NFIB: variants seen among roughly 807,000 people sequenced by gnomAD.
NFIB encodes nuclear factor I B.
Under a neutral mutation model 61.5 loss-of-function variants are expected in NFIB, and 11 were observed. That is an observed-to-expected ratio of 0.18 (90% CI 0.11 to 0.30). The LOEUF is 0.30. NFIB is among the 10% of genes least tolerant of loss of function. The probability of loss-of-function intolerance (pLI) is 1.00; values close to 1 mark genes in which losing one functional copy is unlikely to be tolerated. For synonymous variants in NFIB, 260 were observed against 216.5 expected, an observed-to-expected ratio of 1.20 and a Z score of -1.76; for missense variants, 471 against 608.9, an observed-to-expected ratio of 0.77 and a Z score of 2.38.
At chr9:14,266,868 C>T (rs1338622370) in intron 2 of NFIB, among the ~76,000 whole-genome samples, 1 of 152,146 alleles carries the variant, frequency 6.6e-6, no homozygotes, top group South Asian at 2.1e-4. Context: ...TTTATTATTA[C>T]AAATAATGAC....
chr9:14,225,369 A>G (rs1462700880), intron 2 of NFIB, among the ~76,000 whole-genome samples: 1 of 147,016 alleles, frequency 6.8e-6, no homozygotes, highest in Non-Finnish European at 1.5e-5. Context: ...AGGCAGGAGA[A>G]TGGCGTGAAC....
At chr9:14,095,453 G>C (rs2034625168) in intron 10 of NFIB, among the ~76,000 whole-genome samples, 1 of 152,060 alleles carries the variant, frequency 6.6e-6, no homozygotes, top group East Asian at 1.9e-4. Context: ...CCCACATGTT[G>C]ATTTCCAGCC....
chr9:14,409,291 G>A, the NFIB span, among the ~76,000 whole-genome samples: 3 of 151,850 alleles, frequency 2.0e-5, no homozygotes, highest in African/African-American at 7.3e-5. Flanking sequence ...TTTAACAACT[G>A]GCTGGCAAAT....
intron 10 of NFIB, chr9:14,102,582 T>C (rs1037201382): frequency 6.7e-6 from 8 of 1,196,828 alleles, no homozygotes; most frequent in South Asian, 2.7e-5. Context: ...AATGAACACA[T>C]GCAAACTAGT....
intron 2 of NFIB, among the ~76,000 whole-genome samples, chr9:14,269,909 G>C (rs2057477833): frequency 6.6e-6 from 1 of 152,048 alleles, no homozygotes; most frequent in Non-Finnish European, 1.5e-5. Context: ...AGAGCGGCAA[G>C]GAAGTTGAAC....
intron 2 of NFIB, among the ~76,000 whole-genome samples, chr9:14,304,449 C>T (rs904294062): frequency 6.6e-6 from 1 of 152,210 alleles, no homozygotes; most frequent in African/African-American, 2.4e-5. Context: ...CACTGCAATG[C>T]GGATGCCAAC....
intron 2 of NFIB, among the ~76,000 whole-genome samples, chr9:14,282,560 T>C (rs1346278667): frequency 6.6e-6 from 1 of 152,218 alleles, no homozygotes; most frequent in Non-Finnish European, 1.5e-5. Flanking sequence ...ATAAACATAG[T>C]CTTTAGAGTG....
intron 1 of NFIB, among the ~76,000 whole-genome samples, chr9:14,338,204 C>T (rs2060906835): frequency 6.6e-6 from 1 of 152,106 alleles, no homozygotes; most frequent in African/African-American, 2.4e-5. Flanking sequence ...ACCATCCTGT[C>T]TAACACGGTG....
chr9:14,510,082 G>A, the NFIB span, among the ~76,000 whole-genome samples: 18 of 152,246 alleles, frequency 1.2e-4, no homozygotes, highest in Admixed American at 2.0e-4. Context: ...TGTTAGTAGA[G>A]ACAGGATTTC....
the NFIB span, among the ~76,000 whole-genome samples, chr9:14,497,524 T>C: frequency 6.6e-6 from 1 of 152,146 alleles, no homozygotes; most frequent in Non-Finnish European, 1.5e-5. Flanking sequence ...GGAGAAGAAC[T>C]AAAGCCAAAC....
At chr9:14,248,834 T>A (rs1475300913) in intron 2 of NFIB, among the ~76,000 whole-genome samples, 2 of 152,192 alleles carry the variant, frequency 1.3e-5, no homozygotes, top group African/African-American at 4.8e-5. Flanking sequence ...TTTGCTTGGC[T>A]AATAGAATAT....
intron 2 of NFIB, among the ~76,000 whole-genome samples, chr9:14,240,944 T>G (rs1430930764): frequency 6.6e-6 from 1 of 152,224 alleles, no homozygotes; most frequent in Non-Finnish European, 1.5e-5. Flanking sequence ...CCAACTAAAC[T>G]GTATCCTCAA....
chr9:14,216,055 GCATACAGTAGAATTTA>G (rs1280434352), intron 2 of NFIB, among the ~76,000 whole-genome samples: 1 of 152,068 alleles, frequency 6.6e-6, no homozygotes, highest in Non-Finnish European at 1.5e-5. Context: ...CAATTCTATT[GCATACAGTAGAATTTA>G]AATTTAGTCA....
At chr9:14,252,562 T>A (rs536523236) in intron 2 of NFIB, among the ~76,000 whole-genome samples, 1 of 152,292 alleles carries the variant, frequency 6.6e-6, no homozygotes, top group East Asian at 1.9e-4. Context: ...GCTTCAGTTA[T>A]AATATGTAAA....
intron 1 of NFIB, among the ~76,000 whole-genome samples, chr9:14,367,145 G>A (rs1312536514): frequency 1.3e-5 from 2 of 152,104 alleles, no homozygotes; most frequent in Non-Finnish European, 2.9e-5. Context: ...CCCTATGCAG[G>A]TGCTCTACTT....
intron 10 of NFIB, among the ~76,000 whole-genome samples, chr9:14,097,466 C>G (rs1207487182): frequency 6.6e-6 from 1 of 152,160 alleles, no homozygotes; most frequent in Non-Finnish European, 1.5e-5. Flanking sequence ...AGTTATGTGT[C>G]AAGATAACAA....
At chr9:14,247,935 CTTT>C (rs1051234569) in intron 2 of NFIB, among the ~76,000 whole-genome samples, 14 of 138,114 alleles carry the variant, frequency 1.0e-4, no homozygotes, top group Admixed American at 2.9e-4. Context: ...TTCTTTTTTT[CTTT>C]TTTTTTTTTT....
intron 2 of NFIB, among the ~76,000 whole-genome samples, chr9:14,253,973 C>T (rs2055936458): frequency 6.6e-6 from 1 of 152,164 alleles, no homozygotes; most frequent in Non-Finnish European, 1.5e-5. Context: ...CTCCCCAGCA[C>T]TTGACAAAAC....
chr9:14,320,745 G>C (rs950473193), intron 1 of NFIB, among the ~76,000 whole-genome samples: 1 of 152,120 alleles, frequency 6.6e-6, no homozygotes, highest in African/African-American at 2.4e-5. Context: ...ATAAGCATGC[G>C]TGTGTTACTT....
Sources: allele counts gnomAD v4.1 joint callset (sites outside exome capture counted in the v4.1 genomes callset), GRCh38; gene constraint gnomAD v4.1.1; transcripts MANE v1.5; gene names NCBI Gene and HGNC (gene_info 2026-07-23, HGNC 2026-07-21).